KCNJ6: variants seen among roughly 807,000 people sequenced by gnomAD.
The protein encoded by KCNJ6 is potassium inwardly rectifying channel subfamily J member 6.
In KCNJ6, 9 loss-of-function variants were observed where a neutral mutation model predicts 34.2. That is an observed-to-expected ratio of 0.26 (90% CI 0.16 to 0.46). The LOEUF (loss-of-function observed/expected upper bound fraction) is 0.46, where lower values mean the gene tolerates loss of function less well. Ranked by LOEUF, KCNJ6 falls within the 20% of genes least tolerant of loss-of-function variation. The probability of loss-of-function intolerance (pLI) is 1.00; values close to 1 mark genes in which losing one functional copy is unlikely to be tolerated. For synonymous variants in KCNJ6, 196 were observed against 207.1 expected (o/e 0.95, Z 0.46); for missense variants, 236 against 531.3 (o/e 0.44, Z 5.46).
At chr21:37,824,871 G>A (rs913609549) in intron 2 of KCNJ6, among the ~76,000 whole-genome samples, 1 of 152,082 alleles carries the variant, frequency 6.6e-6, no homozygotes, top group Admixed American at 6.5e-5. Flanking sequence ...GAACGGGGAG[G>A]ATCCTTTCTA....
intron 2 of KCNJ6, among the ~76,000 whole-genome samples, chr21:37,814,002 C>A (rs2055334681): frequency 1.3e-5 from 2 of 152,272 alleles, no homozygotes; most frequent in South Asian, 4.1e-4. Flanking sequence ...GAAAACTACC[C>A]ATCTGACAAG....
chr21:37,852,628 ATAG>A lies in KCNJ6; in HGVS notation c.-27-11922_-27-11920del, dbSNP rs538340954. On this transcript the variant is annotated intron_variant, in intron 1 of 3. Transcript: ENST00000609713. ...AGATTTCAATAAGATCCAGAATCTT[ATAG>A]TAACACCAAAAATGCTTAGGTTTCA... Among the ~76,000 whole-genome samples, 764 of 152,364 alleles carry A rather than the reference ATAG, an allele frequency of 5.0e-3. 3 individuals are homozygous for A. The highest frequency in any genetic ancestry group is 0.017 in the African/African-American group (727 of 41,586).
intron 3 of KCNJ6, among the ~76,000 whole-genome samples, chr21:37,669,647 C>T (rs2054533146): frequency 6.6e-6 from 1 of 151,608 alleles, no homozygotes. Flanking sequence ...ATAAAAACAA[C>T]AATGCTTTGG....
At chr21:37,724,018 C>T (rs578066484) in intron 2 of KCNJ6, among the ~76,000 whole-genome samples, 11 of 151,720 alleles carry the variant, frequency 7.3e-5, no homozygotes, top group Non-Finnish European at 1.3e-4. Flanking sequence ...GGCACAGATT[C>T]TGCACTGCTG....
chr21:37,836,187 G>A (rs2055450850), intron 2 of KCNJ6, among the ~76,000 whole-genome samples: 1 of 152,158 alleles, frequency 6.6e-6, no homozygotes, highest in South Asian at 2.1e-4. Flanking sequence ...AAACCACAAT[G>A]AGATACCATC....
intron 2 of KCNJ6, among the ~76,000 whole-genome samples, chr21:37,740,823 T>C (rs2054937655): frequency 6.6e-6 from 1 of 152,258 alleles, no homozygotes; most frequent in Admixed American, 6.5e-5. Context: ...TAGGTTTAGA[T>C]CTTTGCCTAA....
At chr21:37,845,964 C>T (rs920957540) in intron 1 of KCNJ6, among the ~76,000 whole-genome samples, 1 of 152,066 alleles carries the variant, frequency 6.6e-6, no homozygotes, top group Non-Finnish European at 1.5e-5. Context: ...CATTCATAGA[C>T]ACATCAAACG....
intron 3 of KCNJ6, among the ~76,000 whole-genome samples, chr21:37,708,249 C>T (rs1804458726): frequency 6.6e-6 from 1 of 152,162 alleles, no homozygotes; most frequent in South Asian, 2.1e-4. Context: ...CTTACAGTAG[C>T]CTGCCTTTTG....
At chr21:37,769,539 C>T (rs2055108090) in intron 2 of KCNJ6, among the ~76,000 whole-genome samples, 1 of 151,250 alleles carries the variant, frequency 6.6e-6, no homozygotes, top group Non-Finnish European at 1.5e-5. Flanking sequence ...GCTGCTAGGA[C>T]CCACACCCTA....
intron 3 of KCNJ6, among the ~76,000 whole-genome samples, chr21:37,640,775 A>G (rs1210494729): frequency 6.6e-6 from 1 of 152,142 alleles, no homozygotes; most frequent in Non-Finnish European, 1.5e-5. Context: ...TGCATTTTTC[A>G]GGCACTGGTT....
intron 2 of KCNJ6, among the ~76,000 whole-genome samples, chr21:37,785,727 T>C (rs888011227): frequency 8.5e-5 from 13 of 152,230 alleles, no homozygotes; most frequent in Admixed American, 7.9e-4. Context: ...AGTAGTGCCA[T>C]GGTCTGAATG....
intron 3 of KCNJ6, among the ~76,000 whole-genome samples, chr21:37,669,789 TTTGAAAA>T (rs796294114): frequency 2.6e-4 from 39 of 152,352 alleles, no homozygotes; most frequent in African/African-American, 8.2e-4. Flanking sequence ...TTGAAAATAA[TTTGAAAA>T]TATTTTCTCC....
chr21:37,773,769 G>T (rs2055129012), intron 2 of KCNJ6, among the ~76,000 whole-genome samples: 2 of 152,120 alleles, frequency 1.3e-5, no homozygotes, highest in African/African-American at 2.4e-5. Flanking sequence ...TATAGTCCTA[G>T]GATTACTGTT....
intron 1 of KCNJ6, among the ~76,000 whole-genome samples, chr21:37,850,953 G>C (rs889297135): frequency 6.6e-6 from 1 of 152,182 alleles, no homozygotes; most frequent in African/African-American, 2.4e-5. Flanking sequence ...TTGCAGTGAA[G>C]AGTAATTGAT....
Position 37,715,028 on chromosome 21 carries a change from G to C in KCNJ6, c.129C>G (p.His43Gln). ...PKQARDDLPR[H>Q]ISRDRTKRKI... ...TCCTTTTGGTCCGATCTCGGCTGAT[G>C]TGTCTTGGCAGGTCATCCCTGGCCT... The change falls in exon 3 of 4, where the codon CAC (histidine) becomes CAG (glutamine). Residue 43 changes from histidine (H) to glutamine (Q), a missense_variant. Transcript: ENST00000609713. 1 of 1,614,208 alleles carries C rather than the reference G, an allele frequency of 6.2e-7. No individual in the cohort carries two copies. Among genetic ancestry groups the C allele is most frequent in the Non-Finnish European group, 8.5e-7 (1 of 1,180,034 alleles).
intron 1 of KCNJ6, among the ~76,000 whole-genome samples, chr21:37,894,337 A>G (rs2055777319): frequency 6.6e-6 from 1 of 152,214 alleles, no homozygotes; most frequent in Non-Finnish European, 1.5e-5. Flanking sequence ...TGCTGTGCAC[A>G]TTGAGGTTTG....
chr21:37,714,368 C>A lies in KCNJ6; in HGVS notation c.789G>T (p.Gly263=), dbSNP rs370788384. ...IPLNQTDINV[G]YYTGDDRLFL... is the part of the protein sequence containing the mutation. ...ACAGACGGTCATCCCCCGTGTAATACCCTACGTTGATATCCGTCTGGTTCA... is the reference window on the plus strand; with the variant it reads ...ACAGACGGTCATCCCCCGTGTAATAACCTACGTTGATATCCGTCTGGTTCA... The change falls in exon 3 of 4, where the codon GGG becomes GGT. Residue 263 remains glycine, a synonymous_variant. Transcript: ENST00000609713. This position sits in a 1 kb window ranked among gnomAD's most constrained non-coding sequence, Gnocchi z 5.9. 3 of 1,614,016 alleles carry A rather than the reference C, an allele frequency of 1.9e-6. No individual in the cohort carries two copies. The African/African-American group carries it at 4.0e-5, about 22-fold the overall frequency.
intron 3 of KCNJ6, among the ~76,000 whole-genome samples, chr21:37,702,967 G>A (rs1277164175): frequency 6.6e-6 from 1 of 152,142 alleles, no homozygotes; most frequent in East Asian, 1.9e-4. Context: ...TTTTGGTGGT[G>A]TGGTGGGAAG....
In KCNJ6 at chr21:37,916,075, C is replaced by CGCGGCTGCTCCGGCTCCAGGT. The variant is rs1449678277; in HGVS notation, c.-240_-220dup. The CGCGGCTGCTCCGGCTCCAGGT allele has an allele frequency of 1.3e-5, 2 of 152,270 alleles. No individual in the cohort carries two copies. The highest frequency in any genetic ancestry group is 2.9e-5 in the Non-Finnish European group (2 of 68,106). 9.4% of individuals were successfully genotyped at this position (152,270 alleles called of 1,614,324 possible). On this transcript the variant is annotated 5_prime_UTR_variant, in exon 1 of 4. Transcript: ENST00000609713. ...GGCTGTTAGGAGACTCCATTCTGCT[C>CGCGGCTGCTCCGGCTCCAGGT]GCGGCTGCTCCGGCTCCAGGTCCGG...
Sources: allele counts gnomAD v4.1 joint callset (sites outside exome capture counted in the v4.1 genomes callset), GRCh38; gene constraint gnomAD v4.1.1; non-coding constraint Gnocchi (gnomAD v3.1); transcripts MANE v1.5; gene names NCBI Gene and HGNC (gene_info 2026-07-23, HGNC 2026-07-21).